The following SAMD11 variants were observed in gnomAD, a reference collection of about 807,000 sequenced individuals.
The protein encoded by SAMD11 is sterile alpha motif domain-containing protein 11.
In SAMD11, 77 loss-of-function variants were observed where a neutral mutation model predicts 64.4. The ratio of observed to expected loss-of-function variants is 1.20; its 90% CI spans 0.99 to 1.44. SAMD11 has a LOEUF of 1.44. SAMD11 is among the 40% of genes most tolerant of loss of function. The probability of loss-of-function intolerance (pLI) is 0.00; values close to 1 mark genes in which losing one functional copy is unlikely to be tolerated. For missense variants in SAMD11, 1,402 were observed against 943.3 expected (o/e 1.49, Z -6.37); for synonymous variants, 658 against 421.9 (o/e 1.56, Z -6.86).
chr1:928,248 C>T (rs539613690), intron 2 of SAMD11, among the ~76,000 whole-genome samples: 108 of 152,248 alleles, frequency 7.1e-4, no homozygotes, highest in Admixed American at 1.6e-3. Flanking sequence ...AAAAATTAGC[C>T]GGGCGTGGTG....
At chr1:943,670 C>T in intron 12 of SAMD11, 28 bp from the exon 13 acceptor site, 5 of 1,523,810 alleles carry the variant, frequency 3.3e-6, no homozygotes, top group Non-Finnish European at 4.4e-6. Flanking sequence ...GCACCCGGGT[C>T]CTGACCCTCC....
intron 5 of SAMD11, among the ~76,000 whole-genome samples, chr1:937,562 G>A (rs1641524827): frequency 6.6e-6 from 1 of 152,176 alleles, no homozygotes; most frequent in Non-Finnish European, 1.5e-5. Flanking sequence ...TGGCAGGTGT[G>A]GAAAAGAGCC....
chr1:927,331 T>C (rs1640942310), intron 2 of SAMD11, among the ~76,000 whole-genome samples: 1 of 152,124 alleles, frequency 6.6e-6, no homozygotes, highest in African/African-American at 2.4e-5. Context: ...AGCGGCCCCC[T>C]TGAGGGCTCC....
chr1:940,115 C>T (rs72902597), intron 7 of SAMD11, among the ~76,000 whole-genome samples: 1 of 152,186 alleles, frequency 6.6e-6, no homozygotes, highest in African/African-American at 2.4e-5. Flanking sequence ...ATTCCTCACA[C>T]CAGGCACCGT....
intron 5 of SAMD11, among the ~76,000 whole-genome samples, chr1:936,974 G>T (rs758204750): frequency 6.6e-5 from 10 of 152,168 alleles, no homozygotes; most frequent in Non-Finnish European, 1.5e-4. Flanking sequence ...TGTGTCTGGG[G>T]TCCTGTGGGG....
intron 2 of SAMD11, among the ~76,000 whole-genome samples, chr1:926,932 T>C (rs1640920832): frequency 6.6e-6 from 1 of 152,124 alleles, no homozygotes. Flanking sequence ...GTACCTCCGC[T>C]TGCCTGCTTT....
chr1:932,477 G>A lies in SAMD11; in HGVS notation c.842+1388G>A, dbSNP rs191391055. ...CGAGATTTCGGTCAGAGGGGAGGGC[G>A]TGCTGGGGTCCCCGGAGGAGAAGGC... is the stretch of plus-strand genomic sequence containing the variant. On this transcript the variant is annotated intron_variant, in intron 4 of 13. Transcript: ENST00000616016. Among the ~76,000 whole-genome samples, 246 of 152,336 alleles carry A rather than the reference G, an allele frequency of 1.6e-3. 1 individual carries two copies. The highest frequency in any genetic ancestry group is 5.3e-3 in the African/African-American group (220 of 41,568).
At chr1:929,422 C>G (rs1408279078) in intron 2 of SAMD11, among the ~76,000 whole-genome samples, 2 of 152,196 alleles carry the variant, frequency 1.3e-5, no homozygotes, top group African/African-American at 4.8e-5. Context: ...CCTGTGAGCC[C>G]CGGGGCCTGC....
At chr1:941,559 C>G (rs921068995) in intron 8 of SAMD11, among the ~76,000 whole-genome samples, 1 of 152,024 alleles carries the variant, frequency 6.6e-6, no homozygotes, top group Non-Finnish European at 1.5e-5. Context: ...AGCTCCAAGT[C>G]TGGAACCCCG....
In SAMD11 at chr1:941,319, C is replaced by T. The variant is rs776557899; in HGVS notation, c.1358+13C>T. ...CCTTCTCGGAGAGGTACTGGGGTGG[C>T]TGCCGTTCTCTGCTTGTTTCTGGGG... On this transcript the variant is annotated intron_variant, in intron 8 of 13. Coordinates refer to ENST00000616016, the MANE Select transcript of SAMD11 (RefSeq NM_001385641.1). The T allele has an allele frequency of 1.3e-6, 2 of 1,533,594 alleles. No individual in the cohort carries two copies. Among genetic ancestry groups the T allele is most frequent in the African/African-American group, 1.4e-5 (1 of 72,838 alleles). 95.0% of individuals were successfully genotyped at this position (1,533,594 alleles called of 1,614,324 possible).
At position 930,158 on chromosome 1, in the gene SAMD11, C is replaced by A; in HGVS notation, c.613C>A (p.Arg205=). 6.4e-7 allele frequency: 1 copy of A among 1,555,492 alleles called. No homozygotes were observed. The highest frequency in any genetic ancestry group is 8.7e-7 in the Non-Finnish European group (1 of 1,149,474). ...TCCTCTCCTCCTGCCCCACCAGAAC[C>A]GGGGGCGGCTGGCAGACAAGAGGAC... ...PGCRISSPVN[R]GRLADKRTVA... is the part of the protein sequence containing the mutation. Residue 205 remains arginine (R), a synonymous_variant, in exon 3 of 14, where the codon CGG becomes AGG. Coordinates refer to ENST00000616016, the MANE Select transcript of SAMD11 (RefSeq NM_001385641.1).
intron 2 of SAMD11, among the ~76,000 whole-genome samples, chr1:926,842 TC>T (rs1272809095): frequency 3.3e-5 from 5 of 152,048 alleles, no homozygotes; most frequent in Admixed American, 6.6e-5. Flanking sequence ...GGGCTGCAAT[TC>T]CTGACACACT....
chr1:940,746 AG>A (rs1641714487), intron 7 of SAMD11, among the ~76,000 whole-genome samples: 1 of 152,070 alleles, frequency 6.6e-6, no homozygotes, highest in African/African-American at 2.4e-5. Context: ...TGGGGACCTC[AG>A]ATTTTCTTGC....
At chr1:941,937 G>C (rs1488137602) in intron 8 of SAMD11, among the ~76,000 whole-genome samples, 199 bp from the exon 9 acceptor site, 1 of 152,106 alleles carries the variant, frequency 6.6e-6, no homozygotes, top group Non-Finnish European at 1.5e-5. Context: ...CGCCCGCCGG[G>C]TCAGCGCCTC....
At chr1:930,979 C>T (rs1641140220) in intron 3 of SAMD11, 60 bp from the exon 4 acceptor site, 1 of 1,552,168 alleles carries the variant, frequency 6.4e-7, no homozygotes, top group African/African-American at 1.4e-5. Flanking sequence ...GCCCTGCTAT[C>T]CTGAGGCTGG....
In SAMD11 at chr1:924,233, G is replaced by A. The variant is rs1263253999; in HGVS notation, c.-199G>A. 6.7e-6 allele frequency: 1 copy of A among 149,544 alleles called. No homozygotes were observed. Among genetic ancestry groups the A allele is most frequent in the Non-Finnish European group, 1.5e-5 (1 of 67,072 alleles). The allele number at this position is 149,544 out of a possible 1,614,324, so 9.3% of individuals were successfully genotyped here. ...CAGCTCCATGTCTCCGGCCTCTGAG[G>A]CCCCGCCGGCCGGCTGGGCAGTCCG... On this transcript the variant is annotated 5_prime_UTR_variant, in exon 1 of 14. Transcript: ENST00000616016.
At chr1:932,421 G>A (rs1225174484) in intron 4 of SAMD11, among the ~76,000 whole-genome samples, 4 of 152,202 alleles carry the variant, frequency 2.6e-5, no homozygotes, top group Non-Finnish European at 2.9e-5. Context: ...CCCTAGAAGG[G>A]GCTAGGATGA....
chr1:940,775 G>C (rs990021485), intron 7 of SAMD11, among the ~76,000 whole-genome samples: 5 of 152,224 alleles, frequency 3.3e-5, no homozygotes, highest in African/African-American at 1.2e-4. Context: ...CGAAGAGGGG[G>C]TCCCCTGGGC....
At chr1:942,386 C>T (rs1186607955) in intron 9 of SAMD11, 24 bp from the exon 10 acceptor site, 4 of 1,384,174 alleles carry the variant, frequency 2.9e-6, no homozygotes, top group African/African-American at 1.5e-5. Flanking sequence ...CCCCCCGACC[C>T]CGCGTTGTCC....
Sources: gnomAD v4.1 joint callset for allele counts (sites outside exome capture counted in the v4.1 genomes callset) on GRCh38, gnomAD v4.1.1 for gene constraint, MANE v1.5 for transcripts, NCBI Gene and HGNC (gene_info 2026-07-23, HGNC 2026-07-21) for gene names.